The following DYRK1A variants were observed in gnomAD, a reference collection of about 807,000 sequenced individuals.
DYRK1A encodes the protein dual specificity tyrosine-phosphorylation-regulated kinase 1A.
A neutral mutation model predicts 79.7 loss-of-function variants in DYRK1A; 9 were observed. The ratio of observed to expected loss-of-function variants is 0.11; its 90% CI spans 0.07 to 0.20. DYRK1A has a LOEUF of 0.20. DYRK1A is among the 10% of genes least tolerant of loss of function. The probability of loss-of-function intolerance (pLI) is 1.00; values close to 1 mark genes in which losing one functional copy is unlikely to be tolerated. For synonymous variants in DYRK1A, 349 were observed against 329.7 expected (o/e 1.06, Z -0.63); for missense variants, 622 against 956.0 (o/e 0.65, Z 4.61).
chr21:37,492,877 C>T, intron 7 of DYRK1A, 140 bp from the exon 8 acceptor site: 1 of 611,640 alleles, frequency 1.6e-6, no homozygotes, highest in Non-Finnish European at 2.8e-6. Context: ...TATTCGTAGT[C>T]TAATGTTGAA....
At chr21:37,467,106 G>A (rs201150333) in intron 2 of DYRK1A, among the ~76,000 whole-genome samples, 1,127 of 128,930 alleles carry the variant, frequency 8.7e-3, no homozygotes, top group Non-Finnish European at 0.011. Flanking sequence ...ATTTACAAAA[G>A]AAAAAAAAAA....
At chr21:37,479,600 G>GGTTTTGTTTTTTTTTTTTTT (rs2052533897) in intron 4 of DYRK1A, among the ~76,000 whole-genome samples, 1 of 22,794 alleles carries the variant, frequency 4.4e-5, no homozygotes, top group Non-Finnish European at 7.2e-5. Flanking sequence ...TTTTGTTTTT[G>GGTTTTGTTTTTTTTTTTTTT]TTTTTGTTTT....
intron 9 of DYRK1A, chr21:37,502,528 T>C (rs561693731): frequency 1.3e-5 from 2 of 152,350 alleles, no homozygotes; most frequent in African/African-American, 4.8e-5. Flanking sequence ...CATGTGATTC[T>C]ATCTACCTCT....
chr21:37,418,391 T>C (rs570747272), intron 1 of DYRK1A, among the ~76,000 whole-genome samples: 35 of 152,186 alleles, frequency 2.3e-4, no homozygotes, highest in Non-Finnish European at 4.6e-4. Context: ...ATTTTTAAAA[T>C]AGTAATGAAA....
intron 5 of DYRK1A, among the ~76,000 whole-genome samples, chr21:37,482,212 G>C (rs1203856892): frequency 7.0e-6 from 1 of 143,024 alleles, no homozygotes; most frequent in Non-Finnish European, 1.6e-5. Context: ...GCTTAAAACA[G>C]AAAGTGTTCT....
At chr21:37,413,451 T>C (rs894777475) in intron 1 of DYRK1A, among the ~76,000 whole-genome samples, 1 of 152,164 alleles carries the variant, frequency 6.6e-6, no homozygotes, top group Non-Finnish European at 1.5e-5. Context: ...TAGAACATCC[T>C]GTGTGGAAAA....
chr21:37,371,257 T>G lies in DYRK1A; in HGVS notation c.-77+3629T>G, dbSNP rs2049423444. Among the ~76,000 whole-genome samples, 4 of 152,224 alleles carry G rather than the reference T, an allele frequency of 2.6e-5. No individual in the cohort carries two copies. In the South Asian group the frequency reaches 8.3e-4, roughly 32 times the overall value. On this transcript the variant is annotated intron_variant, in intron 1 of 11. Transcript: ENST00000647188. ...GACTTCATGTGACTAAAATAATCATTGAAGGTTCGTTCATATTGGGTAATT... is the reference window on the plus strand; with the variant it reads ...GACTTCATGTGACTAAAATAATCATGGAAGGTTCGTTCATATTGGGTAATT...
At chr21:37,459,591 G>T (rs2051771028) in intron 2 of DYRK1A, among the ~76,000 whole-genome samples, 1 of 152,124 alleles carries the variant, frequency 6.6e-6, no homozygotes, top group South Asian at 2.1e-4. Context: ...AGCCTGATTA[G>T]TTACCTGCTG....
At chr21:37,374,427 T>C (rs1041578591) in intron 1 of DYRK1A, among the ~76,000 whole-genome samples, 1 of 151,620 alleles carries the variant, frequency 6.6e-6, no homozygotes, top group African/African-American at 2.4e-5. Context: ...TGAAATATTA[T>C]TAGCTCTAGT....
At position 37,519,096 on chromosome 21, in the gene DYRK1A, AGATG is replaced by A. The variant is rs2053909626; in HGVS notation, c.*6567_*6570del. The A allele has an allele frequency of 6.6e-6, 1 of 152,218 alleles. No homozygotes were observed. The highest frequency in any genetic ancestry group is 1.5e-5 in the Non-Finnish European group (1 of 68,028). The allele number at this position is 152,218 out of a possible 1,614,324, so 9.4% of individuals were successfully genotyped here. A position where few individuals can be genotyped will look rare whatever the true frequency, so the allele number is the denominator to read the frequency against. ...TCCTTTTTGTTGTCTTCCCTTGTGG[AGATG>A]GGTCAGTGTAACATCCTATTCATTA... On this transcript the variant is annotated 3_prime_UTR_variant, in exon 12 of 12. Transcript: ENST00000647188.
intron 11 of DYRK1A, among the ~76,000 whole-genome samples, chr21:37,510,977 C>T (rs1158174548): frequency 6.6e-6 from 1 of 152,080 alleles, no homozygotes; most frequent in Non-Finnish European, 1.5e-5. Context: ...CCAGAGTGGT[C>T]AGGGAAGGCT....
intron 1 of DYRK1A, among the ~76,000 whole-genome samples, chr21:37,404,201 C>T (rs529530065): frequency 1.5e-4 from 23 of 152,292 alleles, no homozygotes; most frequent in African/African-American, 4.8e-4. Context: ...GGAATTGGCT[C>T]ACGTGACAGT....
chr21:37,406,711 A>G (rs2050151143), intron 1 of DYRK1A, among the ~76,000 whole-genome samples: 1 of 147,296 alleles, frequency 6.8e-6, no homozygotes, highest in Non-Finnish European at 1.5e-5. Context: ...TCCAAAAATG[A>G]AAAAAAAAAT....
At chr21:37,402,644 CTTTA>C (rs2050074283) in intron 1 of DYRK1A, among the ~76,000 whole-genome samples, 2 of 151,802 alleles carry the variant, frequency 1.3e-5, no homozygotes, top group Admixed American at 1.3e-4. Context: ...TTTTCTGTGA[CTTTA>C]TTTACTTGCA....
intron 7 of DYRK1A, among the ~76,000 whole-genome samples, chr21:37,492,692 G>A (rs981736422): frequency 6.6e-6 from 1 of 152,116 alleles, no homozygotes; most frequent in African/African-American, 2.4e-5. Flanking sequence ...ATAATTATTA[G>A]GGAAATACAT....
intron 2 of DYRK1A, among the ~76,000 whole-genome samples, chr21:37,458,362 CTT>C (rs2051728693): frequency 6.6e-6 from 1 of 150,626 alleles, no homozygotes; most frequent in Non-Finnish European, 1.5e-5. Context: ...ATTTCACTAT[CTT>C]TTTGATTTTG....
intron 1 of DYRK1A, among the ~76,000 whole-genome samples, chr21:37,415,801 C>G (rs1360194651): frequency 2.0e-5 from 3 of 152,052 alleles, no homozygotes; most frequent in African/African-American, 4.8e-5. Flanking sequence ...ATATAGCAAT[C>G]TGTTATATGC....
At chr21:37,447,975 C>T (rs760737064) in intron 2 of DYRK1A, among the ~76,000 whole-genome samples, 1 of 152,148 alleles carries the variant, frequency 6.6e-6, no homozygotes, top group Non-Finnish European at 1.5e-5. Context: ...GCCGCTGTCC[C>T]CTCAATTCCC....
intron 6 of DYRK1A, chr21:37,488,005 C>CT: frequency 6.6e-6 from 1 of 152,024 alleles, no homozygotes; most frequent in Non-Finnish European, 1.5e-5. Flanking sequence ...TCTCCTCACT[C>CT]TTGAGTATTT....
Sources: gnomAD v4.1 joint callset for allele counts (sites outside exome capture counted in the v4.1 genomes callset) on GRCh38, gnomAD v4.1.1 for gene constraint, MANE v1.5 for transcripts, NCBI Gene and HGNC (gene_info 2026-07-23, HGNC 2026-07-21) for gene names.